Variants in CAPN5 observed in about 807,000 individuals in gnomAD.
CAPN5 encodes the protein calpain-5.
Under a neutral mutation model 73.0 loss-of-function variants are expected in CAPN5, and 54 were observed. That is an observed-to-expected ratio of 0.74 (90% CI 0.59 to 0.93). CAPN5 has a LOEUF of 0.93. CAPN5 is among the 40% of genes least tolerant of loss of function. The pLI is 0.00. For synonymous variants in CAPN5, 335 were observed against 356.9 expected, an observed-to-expected ratio of 0.94 and a Z score of 0.69; for missense variants, 785 against 882.9, an observed-to-expected ratio of 0.89 and a Z score of 1.41.
intron 9 of CAPN5, 147 bp from the exon 10 acceptor site, chr11:77,120,566 G>A (rs938723287): frequency 1.2e-5 from 7 of 574,472 alleles, no homozygotes; most frequent in African/African-American, 5.6e-5. Flanking sequence ...ACACGAATCC[G>A]CTTCTGTTAT....
chr11:77,115,890 T>C (rs1187697244), intron 6 of CAPN5, among the ~76,000 whole-genome samples: 1 of 152,084 alleles, frequency 6.6e-6, no homozygotes, highest in Non-Finnish European at 1.5e-5. Flanking sequence ...GTGCTTGGCT[T>C]ATGGCCCTGG....
At chr11:77,082,878 C>T (rs782744053) in intron 1 of CAPN5, among the ~76,000 whole-genome samples, 10 of 152,206 alleles carry the variant, frequency 6.6e-5, no homozygotes, top group Non-Finnish European at 1.3e-4. Context: ...ACTGGAATTG[C>T]AAGAGCTGAT....
At chr11:77,120,168 C>T (rs1950508226) in intron 9 of CAPN5, 1 of 152,332 alleles carries the variant, frequency 6.6e-6, no homozygotes, top group Non-Finnish European at 1.5e-5. Context: ...CCACCTCAGT[C>T]TCCCTAGTAG....
chr11:77,118,749 C>G (rs781990536), intron 8 of CAPN5, among the ~76,000 whole-genome samples: 2 of 152,256 alleles, frequency 1.3e-5, no homozygotes, highest in Non-Finnish European at 2.9e-5. Flanking sequence ...CAGTCTGACC[C>G]GTGGCGCTGC....
At chr11:77,088,115 G>A (rs1433550298) in intron 2 of CAPN5, 4 of 1,490,758 alleles carry the variant, frequency 2.7e-6, no homozygotes, top group African/African-American at 1.4e-5. Flanking sequence ...CCAGCATGCT[G>A]TCTCTCCCAC....
intron 1 of CAPN5, chr11:77,073,068 A>G (rs1555033363): frequency 7.8e-7 from 1 of 1,289,580 alleles, no homozygotes; most frequent in Admixed American, 2.3e-5. Context: ...CTGCACAGGG[A>G]CGCCCAGCTG....
chr11:77,094,082 G>A (rs542595884), intron 3 of CAPN5, among the ~76,000 whole-genome samples: 1 of 152,330 alleles, frequency 6.6e-6, no homozygotes, highest in East Asian at 1.9e-4. Flanking sequence ...GGGACACTTG[G>A]CAGATTAATA....
At chr11:77,113,051 G>A in intron 4 of CAPN5, 1 of 575,550 alleles carries the variant, frequency 1.7e-6, no homozygotes, top group African/African-American at 1.9e-5. Flanking sequence ...TGAGGCCCAG[G>A]CAACATCCTG....
In CAPN5 at chr11:77,107,656, C is replaced by T. The variant is rs567237313; in HGVS notation, c.298-4933C>T. 9.8e-4 allele frequency among the ~76,000 whole-genome samples: 149 copies of T among 152,242 alleles called. 1 individual carries two copies. Among genetic ancestry groups the T allele is most frequent in the African/African-American group, 3.2e-3 (134 of 41,530 alleles). On this transcript the variant is annotated intron_variant, in intron 3 of 12. Coordinates refer to ENST00000648180, the MANE Select transcript of CAPN5 (RefSeq NM_004055.5). ...CTGTGGTGCACCCATGGGTGGGACC[C>T]GGAGGTTTCTGGGCCCATTCTGCCG...
At chr11:77,099,090 T>G (rs1591129890) in intron 3 of CAPN5, among the ~76,000 whole-genome samples, 1 of 16,172 alleles carries the variant, frequency 6.2e-5, no homozygotes, top group Non-Finnish European at 1.2e-4. Flanking sequence ...ACATCCCAGA[T>G]GGGGCGGCGG....
rs540720706 is a variant in CAPN5 at position 77,096,858 on chromosome 11, G to A, written c.297+3045G>A. ...CAGAGTCCCAGTCGAATGCCTGGGT[G>A]TCTCTAGGAGGGAGTGTTGGGGTGA... is the stretch of plus-strand genomic sequence containing the variant. On this transcript the variant is annotated intron_variant, in intron 3 of 12. Transcript: ENST00000648180. Among the ~76,000 whole-genome samples, 3 of 152,296 alleles carry A rather than the reference G, an allele frequency of 2.0e-5. No individual in the cohort carries two copies. The South Asian group carries it at 6.2e-4, about 32-fold the overall frequency.
intron 2 of CAPN5, among the ~76,000 whole-genome samples, chr11:77,088,643 G>A (rs1950117128): frequency 6.6e-6 from 1 of 152,142 alleles, no homozygotes; most frequent in Non-Finnish European, 1.5e-5. Flanking sequence ...CATTCATTCT[G>A]TGATCCTAGA....
intron 3 of CAPN5, among the ~76,000 whole-genome samples, chr11:77,109,155 C>G (rs1428618371): frequency 6.6e-6 from 1 of 152,190 alleles, no homozygotes; most frequent in Non-Finnish European, 1.5e-5. Context: ...CACATCATGG[C>G]TAGTTATCTT....
At chr11:77,112,839 G>C in intron 4 of CAPN5, 42 bp downstream of exon 4, 1 of 1,587,208 alleles carries the variant, frequency 6.3e-7, no homozygotes, top group Admixed American at 1.7e-5. Flanking sequence ...GGCCCAGACG[G>C]GGGTGGCACC....
At chr11:77,088,191 G>A in intron 2 of CAPN5, 1 of 1,093,844 alleles carries the variant, frequency 9.1e-7, no homozygotes, top group East Asian at 2.7e-5. Flanking sequence ...TGGGGGAGGG[G>A]GACTAATGAA....
At chr11:77,107,598 G>T (rs1454815015) in intron 3 of CAPN5, among the ~76,000 whole-genome samples, 1 of 152,112 alleles carries the variant, frequency 6.6e-6, no homozygotes, top group Non-Finnish European at 1.5e-5. Flanking sequence ...GTCTAGGTGG[G>T]AGTCTCCAGG....
chr11:77,082,149 G>C (rs1429980882), intron 1 of CAPN5, among the ~76,000 whole-genome samples: 1 of 152,002 alleles, frequency 6.6e-6, no homozygotes, highest in African/African-American at 2.4e-5. Context: ...GAGGAACAGT[G>C]TGTGCAGAGG....
intron 2 of CAPN5, chr11:77,088,125 C>A: frequency 6.8e-7 from 1 of 1,470,258 alleles, no homozygotes; most frequent in Non-Finnish European, 9.0e-7. Flanking sequence ...GTCTCTCCCA[C>A]ATCTGGGTAT....
intron 1 of CAPN5, among the ~76,000 whole-genome samples, chr11:77,081,913 G>A (rs1419028704): frequency 1.3e-5 from 2 of 152,106 alleles, no homozygotes; most frequent in Non-Finnish European, 2.9e-5. Flanking sequence ...GCCACTCTCT[G>A]AGCCTTTTTC....
Sources: gnomAD v4.1 joint callset for allele counts (sites outside exome capture counted in the v4.1 genomes callset) on GRCh38, gnomAD v4.1.1 for gene constraint, MANE v1.5 for transcripts, NCBI Gene and HGNC (gene_info 2026-07-23, HGNC 2026-07-21) for gene names.